Variants in LNX1 observed in about 807,000 individuals in gnomAD.
LNX1 encodes the protein E3 ubiquitin-protein ligase LNX.
A neutral mutation model predicts 68.4 loss-of-function variants in LNX1; 54 were observed. That is an observed-to-expected ratio of 0.79 (90% CI 0.63 to 0.99). LNX1 has a LOEUF of 0.99. LNX1 is among the 50% of genes least tolerant of loss of function. The probability of loss-of-function intolerance (pLI) is 0.00; values close to 1 mark genes in which losing one functional copy is unlikely to be tolerated. For synonymous variants in LNX1, 336 were observed against 350.0 expected (o/e 0.96, Z 0.45); for missense variants, 906 against 926.4 (o/e 0.98, Z 0.29).
intron 9 of LNX1, among the ~76,000 whole-genome samples, chr4:53,467,241 G>A (rs1185225420): frequency 1.3e-5 from 2 of 152,126 alleles, no homozygotes; most frequent in African/African-American, 4.8e-5. Context: ...GGTCTGGAGT[G>A]GACCTACAGC....
At chr4:53,608,736 TA>T (rs957927712) in intron 2 of LNX1, among the ~76,000 whole-genome samples, 3 of 151,666 alleles carry the variant, frequency 2.0e-5, no homozygotes, top group African/African-American at 4.8e-5. Flanking sequence ...GTAGAATGGA[TA>T]AAAAAAATGT....
chr4:53,589,083 C>A (rs770203909), intron 1 of LNX1, among the ~76,000 whole-genome samples: 7 of 152,174 alleles, frequency 4.6e-5, no homozygotes, highest in Non-Finnish European at 8.8e-5. Flanking sequence ...ACCAAACACC[C>A]AGTCTGCCCT....
At chr4:53,545,110 C>T (rs369058262) in intron 2 of LNX1, among the ~76,000 whole-genome samples, 1 of 152,186 alleles carries the variant, frequency 6.6e-6, no homozygotes, top group Non-Finnish European at 1.5e-5. Context: ...CCTTTGTAAT[C>T]TTTCATCAAT....
intron 4 of LNX1, chr4:53,501,788 T>G (rs907229639): frequency 5.3e-5 from 8 of 152,236 alleles, no homozygotes; most frequent in African/African-American, 1.7e-4. Context: ...ACAAATGCTG[T>G]GACGACATTG....
At chr4:53,485,691 T>C (rs969069607) in intron 6 of LNX1, among the ~76,000 whole-genome samples, 3 of 152,182 alleles carry the variant, frequency 2.0e-5, no homozygotes, top group African/African-American at 7.2e-5. Flanking sequence ...CTAATATGCT[T>C]GTCCTGGCTT....
chr4:53,491,513 C>T (rs1416009216), intron 6 of LNX1, among the ~76,000 whole-genome samples: 1 of 152,152 alleles, frequency 6.6e-6, no homozygotes, highest in African/African-American at 2.4e-5. Context: ...TACCACACAC[C>T]TCTTGGCACA....
At chr4:53,479,405 A>C (rs1723774424) in intron 7 of LNX1, among the ~76,000 whole-genome samples, 2 of 152,222 alleles carry the variant, frequency 1.3e-5, no homozygotes, top group Admixed American at 1.3e-4. Context: ...GGTGAGCAAG[A>C]GATGTTTAGT....
At chr4:53,647,751 A>G (rs558380365) in intron 1 of LNX1, among the ~76,000 whole-genome samples, 1 of 152,350 alleles carries the variant, frequency 6.6e-6, no homozygotes, top group South Asian at 2.1e-4. Context: ...CACCCATTAA[A>G]CAGTAACTCT....
At position 53,610,993 on chromosome 4, in the gene LNX1, C is replaced by T. The variant is rs2109848163; in HGVS notation, c.-215+5524G>A. On this transcript the variant is annotated intron_variant, in intron 2 of 3. Transcript: ENST00000504299. ...TGACTGAAAGTATTACAAGAGAATA[C>T]GATATGAAACTTGATGGTAGCAAAT... is the stretch of plus-strand genomic sequence containing the variant. Among the ~76,000 whole-genome samples, 6 of 151,780 alleles carry T rather than the reference C, an allele frequency of 4.0e-5. 1 individual carries two copies. In the South Asian group the frequency reaches 1.2e-3, roughly 32 times the overall value.
chr4:53,558,994 C>T (rs765183255), intron 2 of LNX1, among the ~76,000 whole-genome samples: 4 of 152,182 alleles, frequency 2.6e-5, no homozygotes, highest in African/African-American at 4.8e-5. Context: ...CCAGGACTCT[C>T]GCTTACCCCA....
chr4:53,619,450 T>C (rs1560696318), upstream of LNX1, among the ~76,000 whole-genome samples: 1 of 152,344 alleles, frequency 6.6e-6, no homozygotes, highest in East Asian at 1.9e-4. Context: ...TCATGCAATA[T>C]GTGGCCTTTG....
intron 2 of LNX1, among the ~76,000 whole-genome samples, chr4:53,527,439 C>T (rs1268952630): frequency 6.6e-6 from 1 of 152,166 alleles, no homozygotes; most frequent in African/African-American, 2.4e-5. Context: ...AATTCCCCCA[C>T]ACCCATAATT....
intron 2 of LNX1, among the ~76,000 whole-genome samples, chr4:53,521,574 T>A (rs889603242): frequency 3.9e-5 from 6 of 152,178 alleles, no homozygotes; most frequent in African/African-American, 1.4e-4. Flanking sequence ...ACAAAAATCC[T>A]ATTTTTCCAG....
chr4:53,594,018 A>G, upstream of LNX1: 1 of 140,478 alleles, frequency 7.1e-6, no homozygotes, highest in East Asian at 2.3e-4. Context: ...CTTCTTACCC[A>G]TTATTCAGAA....
chr4:53,647,860 G>A (rs183240578), intron 1 of LNX1, among the ~76,000 whole-genome samples: 3 of 152,298 alleles, frequency 2.0e-5, no homozygotes, highest in South Asian at 2.1e-4. Flanking sequence ...GAATTATATC[G>A]TATTTGTCCT....
At chr4:53,477,748 A>T (rs1723658073) in intron 8 of LNX1, among the ~76,000 whole-genome samples, 1 of 151,790 alleles carries the variant, frequency 6.6e-6, no homozygotes, top group South Asian at 2.1e-4. Flanking sequence ...TAACTTTCTT[A>T]TACAGAATAA....
intron 9 of LNX1, among the ~76,000 whole-genome samples, chr4:53,475,032 T>C (rs1723474197): frequency 6.6e-6 from 1 of 151,278 alleles, no homozygotes; most frequent in African/African-American, 2.4e-5. Flanking sequence ...CCTCCCAAAC[T>C]GCTGGGATTA....
At chr4:53,610,445 A>C (rs1733433026) in intron 2 of LNX1, among the ~76,000 whole-genome samples, 1 of 152,210 alleles carries the variant, frequency 6.6e-6, no homozygotes, top group Admixed American at 6.5e-5. Flanking sequence ...CGGTGGCTCA[A>C]GCCTGTAATC....
chr4:53,618,905 T>C (rs1733772571), upstream of LNX1, among the ~76,000 whole-genome samples: 3 of 152,294 alleles, frequency 2.0e-5, no homozygotes, highest in South Asian at 6.2e-4. Context: ...TTTTGTTTTT[T>C]TTATATGTAT....
Sources: gnomAD v4.1 joint callset for allele counts (sites outside exome capture counted in the v4.1 genomes callset) on GRCh38, gnomAD v4.1.1 for gene constraint, MANE v1.5 for transcripts, NCBI Gene and HGNC (gene_info 2026-07-23, HGNC 2026-07-21) for gene names.